SART3: variants seen among roughly 807,000 people sequenced by gnomAD.
The protein encoded by SART3 is HIV-1 Tat-interacting protein of 110kDa.
Under a neutral mutation model 122.3 loss-of-function variants are expected in SART3, and 44 were observed. The observed-to-expected ratio is 0.36, with a 90% confidence interval of 0.28 to 0.46. The LOEUF is 0.46. SART3 is among the 20% of genes least tolerant of loss of function. The pLI is 1.00. For synonymous variants in SART3, 442 were observed against 454.0 expected (o/e 0.97, Z 0.34); for missense variants, 1,101 against 1,229.0 (o/e 0.90, Z 1.56).
At chr12:108,542,788 G>A in intron 6 of SART3, 1 of 603,052 alleles carries the variant, frequency 1.7e-6, no homozygotes, top group Non-Finnish European at 3.1e-6. Flanking sequence ...AGAGGGAGGA[G>A]GAGGCAATCG....
Position 108,547,993 on chromosome 12 carries a change from T to C in SART3, c.440-2A>G. 6.2e-7 allele frequency: 1 copy of C among 1,612,338 alleles called. No individual in the cohort carries two copies. The highest frequency in any genetic ancestry group is 8.5e-7 in the Non-Finnish European group (1 of 1,179,782). On this transcript the variant is annotated splice_acceptor_variant, in intron 2 of 18. Transcript: ENST00000546815. LOFTEE classifies it high-confidence loss of function. ...CATGCAGCCACTCCAGCCAGAGCTC[T>C]ACGAGACAAAAATACTTCCCGCATT... is the stretch of plus-strand genomic sequence containing the variant.
chr12:108,549,049 G>A (rs369436546), intron 2 of SART3, 39 bp downstream of exon 2: 15 of 1,613,682 alleles, frequency 9.3e-6, no homozygotes, highest in Non-Finnish European at 9.3e-6. Context: ...TGCAAGCCTT[G>A]TTTCTGTTTC....
intron 17 of SART3, 88 bp from the exon 18 acceptor site, chr12:108,524,594 C>A: frequency 8.0e-7 from 1 of 1,253,650 alleles, no homozygotes; most frequent in Non-Finnish European, 1.2e-6. Context: ...GGCTTCCTCC[C>A]GGAGACCAGC....
At chr12:108,556,368 G>A (rs146075439) in intron 1 of SART3, among the ~76,000 whole-genome samples, 1 of 152,194 alleles carries the variant, frequency 6.6e-6, no homozygotes, top group Non-Finnish European at 1.5e-5. Context: ...AAAATGCTAG[G>A]ACTACAGGTG....
In SART3 at chr12:108,538,201, A is replaced by G; in HGVS notation, c.1065T>C (p.Asp355=). 6.2e-7 allele frequency: 1 copy of G among 1,614,180 alleles called. No individual in the cohort carries two copies. Residue 355 remains aspartate (D), a splice_region_variant and synonymous_variant, in exon 8 of 19, where the codon GAT becomes GAC. Transcript: ENST00000546815. ...CCAAATCCTTTACTTTCAGTTGTCG[A>G]TCCTATGATAAAGAATTCCAGAGTT... ...DLWIRYSQYL[D]RQLKVKDLVL...
chr12:108,558,899 G>A (rs1329302593), intron 1 of SART3, among the ~76,000 whole-genome samples: 3 of 152,026 alleles, frequency 2.0e-5, no homozygotes, highest in African/African-American at 7.2e-5. Flanking sequence ...CGGACTTGGT[G>A]GCGGGCGCCT....
intron 6 of SART3, among the ~76,000 whole-genome samples, chr12:108,540,444 A>C (rs1340596522): frequency 6.6e-6 from 1 of 152,236 alleles, no homozygotes. Flanking sequence ...GACACTGGAC[A>C]AATTTATAAT....
chr12:108,560,183 A>G (rs1190629690), intron 1 of SART3: 3 of 152,358 alleles, frequency 2.0e-5, no homozygotes, highest in African/African-American at 7.2e-5. Flanking sequence ...GTGAGAGACC[A>G]TGTTATGACT....
At position 108,547,902 on chromosome 12, in the gene SART3, C is replaced by A. The variant is rs751997129; in HGVS notation, c.529G>T (p.Val177Leu). ...GGGAACTTACAAATGTAATCCTTCA[C>A]GGCTTTCTCAAAGAGGTCATACACG... ...EHVYDLFEKA[V>L]KDYICPNIWL... The change falls in exon 3 of 19, where the codon GTG becomes TTG. Residue 177 changes from valine to leucine, a missense_variant. Around this residue, in one of 2 missense-constraint regions of SART3, gnomAD observed 885 missense variants for 1,080.1 expected, o/e 0.82. Coordinates refer to ENST00000546815, the MANE Select transcript of SART3 (RefSeq NM_014706.4). 4.3e-6 allele frequency: 7 copies of A among 1,613,178 alleles called. No homozygotes were observed. The Admixed American group carries it at 5.0e-5, about 12-fold the overall frequency.
chr12:108,527,733 G>C (rs1203197843), intron 15 of SART3, among the ~76,000 whole-genome samples: 1 of 152,180 alleles, frequency 6.6e-6, no homozygotes, highest in Non-Finnish European at 1.5e-5. Context: ...AAAGTATACA[G>C]AGTCCTTTCA....
chr12:108,549,462 T>C (rs2029899675), intron 1 of SART3: 1 of 473,366 alleles, frequency 2.1e-6, no homozygotes, highest in Admixed American at 3.5e-5. Context: ...TGGGTTCTCT[T>C]GGAAATAAAG....
chr12:108,528,011 C>G (rs929814893), intron 15 of SART3, among the ~76,000 whole-genome samples: 1 of 152,062 alleles, frequency 6.6e-6, no homozygotes, highest in Non-Finnish European at 1.5e-5. Flanking sequence ...GTGATCCGCC[C>G]ACCTCAGCCT....
chr12:108,542,933 G>C, intron 6 of SART3, 95 bp downstream of exon 6: 1 of 1,508,912 alleles, frequency 6.6e-7, no homozygotes, highest in South Asian at 1.1e-5. Flanking sequence ...ATATATTTCA[G>C]AATAAAACAT....
chr12:108,532,816 C>T (rs573468782), intron 12 of SART3, among the ~76,000 whole-genome samples: 2 of 151,972 alleles, frequency 1.3e-5, no homozygotes, highest in Admixed American at 6.5e-5. Flanking sequence ...TGCAATAGCA[C>T]GATCTCGGCT....
intron 11 of SART3, 56 bp downstream of exon 11, chr12:108,536,458 T>C: frequency 6.5e-7 from 1 of 1,533,546 alleles, no homozygotes; most frequent in Non-Finnish European, 9.0e-7. Flanking sequence ...TAAAGTTTAA[T>C]AGGATGCTAT....
intron 13 of SART3, 87 bp from the exon 14 acceptor site, chr12:108,531,367 C>T (rs1593235885): frequency 1.1e-6 from 1 of 933,998 alleles, no homozygotes; most frequent in Non-Finnish European, 1.7e-6. Context: ...TCTGTACCTC[C>T]AGAAGAGATC....
chr12:108,531,489 A>C (rs1156231191), intron 13 of SART3: 1 of 553,418 alleles, frequency 1.8e-6, no homozygotes, highest in Non-Finnish European at 3.2e-6. Context: ...GAGACTTGAA[A>C]ACCAGAATAT....
At chr12:108,523,743 G>GAAAA in intron 18 of SART3, 109 bp from the exon 19 acceptor site, 2 of 711,720 alleles carry the variant, frequency 2.8e-6, no homozygotes, top group South Asian at 1.7e-5. Context: ...GTTAAAAGGT[G>GAAAA]AAAAAAAAAA....
At chr12:108,534,021 A>G (rs1395863669) in intron 12 of SART3, among the ~76,000 whole-genome samples, 1 of 152,234 alleles carries the variant, frequency 6.6e-6, no homozygotes, top group African/African-American at 2.4e-5. Context: ...AATCAGTAAC[A>G]GACATGAGAA....
Sources: gnomAD v4.1 joint callset for allele counts (sites outside exome capture counted in the v4.1 genomes callset) on GRCh38, gnomAD v4.1.1 for gene constraint, gnomAD v4.1.1 regional missense constraint, MANE v1.5 for transcripts, NCBI Gene and HGNC (gene_info 2026-07-23, HGNC 2026-07-21) for gene names.